GNG4: variants seen among roughly 807,000 people sequenced by gnomAD.
GNG4 encodes G protein subunit gamma 4.
GNG4 carries 4 observed loss-of-function variants against 5.8 expected under a neutral mutation model. The ratio of observed to expected loss-of-function variants is 0.69; its 90% confidence interval spans 0.34 to 1.57. The LOEUF is 1.57. GNG4 is among the 40% of genes most tolerant of loss of function. The probability of loss-of-function intolerance (pLI) is 0.06; values close to 1 mark genes in which losing one functional copy is unlikely to be tolerated. For missense variants in GNG4, 96 were observed against 95.1 expected (o/e 1.01, Z -0.04); for synonymous variants, 29 against 32.9 (o/e 0.88, Z 0.41).
chr1:235,580,725 T>C (rs1282473632), intron 3 of GNG4, among the ~76,000 whole-genome samples: 2 of 144,370 alleles, frequency 1.4e-5, no homozygotes, highest in African/African-American at 2.5e-5. Context: ...CACAGCAACA[T>C]GGCGGCCTAT....
At chr1:235,576,534 G>A (rs1274668994) in intron 3 of GNG4, among the ~76,000 whole-genome samples, 1 of 152,030 alleles carries the variant, frequency 6.6e-6, no homozygotes, top group African/African-American at 2.4e-5. Flanking sequence ...TCCAAGCTTT[G>A]TGCTTTTTGT....
chr1:235,550,510 T>C lies in GNG4; in HGVS notation c.*1599A>G, dbSNP rs1171717172. 9.7e-6 allele frequency: 1 copy of C among 102,648 alleles called. No homozygotes were observed. The highest frequency in any genetic ancestry group is 2.3e-5 in the Non-Finnish European group (1 of 42,764). 6.4% of individuals were successfully genotyped at this position (102,648 alleles called of 1,614,324 possible). The stretch of plus-strand genomic sequence containing the variant: ...TTTGTGCCTCAGTTTCCCCTCACTC[T>C]AAGACATACGGCCGGGTGCACTGGC... On this transcript the variant is annotated 3_prime_UTR_variant, in exon 4 of 4. Transcript: ENST00000391854.
Position 235,594,639 on chromosome 1 carries a change from C to G in GNG4, c.-11+761G>C, listed in dbSNP as rs6681546. On this transcript the variant is annotated intron_variant, in intron 2 of 3. Transcript: ENST00000391854. ...AGCAGCTGCTGGCCCAGGTGCTAAG[C>G]CCCTCACTGCCCGGGGCTTGCGGGC... is the stretch of plus-strand genomic sequence containing the variant. 4.2e-3 allele frequency among the ~76,000 whole-genome samples: 637 copies of G among 152,332 alleles called. 3 individuals are homozygous for G. Among genetic ancestry groups the G allele is most frequent in the African/African-American group, 0.014 (594 of 41,578 alleles).
rs10625498 is a variant in GNG4, at chr1:235,568,793, C to CT, written c.99+14946dup. On this transcript the variant is annotated intron_variant, in intron 3 of 3. Transcript: ENST00000391854. ...TCTGGACCTCTTTTCTTTTTCTTTC[C>CT]TTTTTTTTTTTCTTTTTTTCTTCTC... Among the ~76,000 whole-genome samples the CT allele has an allele frequency of 2.8e-3, 402 of 144,610 alleles. 7 individuals are homozygous for CT. The East Asian group carries it at 0.032, about 12-fold the overall frequency. The allele number at this position is 144,610 out of a possible 152,430, so 94.9% of individuals were successfully genotyped here.
intron 1 of GNG4, among the ~76,000 whole-genome samples, chr1:235,643,016 G>A (rs1174116677): frequency 6.6e-6 from 1 of 152,030 alleles, no homozygotes; most frequent in Non-Finnish European, 1.5e-5. Flanking sequence ...CAATCAGACG[G>A]CCACCCCGAC....
At chr1:235,614,259 T>C (rs1015107379) in intron 1 of GNG4, among the ~76,000 whole-genome samples, 3 of 152,224 alleles carry the variant, frequency 2.0e-5, no homozygotes, top group African/African-American at 7.2e-5. Context: ...TGTTCCGTCT[T>C]TCATTTCTGA....
At chr1:235,628,484 CA>C (rs1202369160) in intron 1 of GNG4, among the ~76,000 whole-genome samples, 8 of 151,928 alleles carry the variant, frequency 5.3e-5, no homozygotes, top group Non-Finnish European at 1.5e-5. Context: ...AGGTCATGGG[CA>C]GTCTTGTGGA....
At chr1:235,640,736 C>T (rs1657300804) in intron 1 of GNG4, among the ~76,000 whole-genome samples, 4 of 152,240 alleles carry the variant, frequency 2.6e-5, no homozygotes, top group Non-Finnish European at 5.9e-5. Context: ...CTGATCCAGC[C>T]TCTCGGGGCC....
At chr1:235,581,059 C>T (rs2102939211) in intron 3 of GNG4, among the ~76,000 whole-genome samples, 1 of 152,198 alleles carries the variant, frequency 6.6e-6, no homozygotes, top group African/African-American at 2.4e-5. Context: ...GCCTGCCTAT[C>T]CCTTTGATTG....
chr1:235,601,734 C>A (rs1220706284), intron 1 of GNG4, among the ~76,000 whole-genome samples: 3 of 152,218 alleles, frequency 2.0e-5, no homozygotes, highest in African/African-American at 7.2e-5. Flanking sequence ...AATGGAGATG[C>A]CGACGATGAA....
intron 1 of GNG4, among the ~76,000 whole-genome samples, chr1:235,636,699 C>A (rs1232074433): frequency 6.6e-6 from 1 of 152,158 alleles, no homozygotes; most frequent in African/African-American, 2.4e-5. Flanking sequence ...GATGAACCCC[C>A]AAAGCAGGGT....
intron 1 of GNG4, among the ~76,000 whole-genome samples, chr1:235,612,065 C>CAAA (rs68070269): frequency 2.1e-5 from 2 of 93,490 alleles, no homozygotes; most frequent in Non-Finnish European, 3.8e-5. Context: ...CTTTGTCTCA[C>CAAA]AAAAAAAAAA....
intron 3 of GNG4, among the ~76,000 whole-genome samples, chr1:235,577,686 G>A (rs549122245): frequency 1.3e-5 from 2 of 151,898 alleles, no homozygotes; most frequent in South Asian, 2.1e-4. Flanking sequence ...TGATCCACCC[G>A]CCCTGGCCTC....
chr1:235,618,802 T>C (rs187887166), intron 1 of GNG4, among the ~76,000 whole-genome samples: 75 of 151,708 alleles, frequency 4.9e-4, no homozygotes, highest in African/African-American at 1.7e-3. Flanking sequence ...ATTACAGGCA[T>C]GTGCCACCCC....
At chr1:235,573,226 G>C (rs1318036852) in intron 3 of GNG4, among the ~76,000 whole-genome samples, 1 of 149,914 alleles carries the variant, frequency 6.7e-6, no homozygotes, top group African/African-American at 2.5e-5. Flanking sequence ...CTATCGCAAG[G>C]ACAGAAAACC....
intron 2 of GNG4, among the ~76,000 whole-genome samples, chr1:235,593,737 C>T (rs1167197371): frequency 5.9e-5 from 9 of 152,066 alleles, no homozygotes; most frequent in South Asian, 2.1e-4. Context: ...TGTTACAGCT[C>T]TTAAGGCGGC....
At chr1:235,629,589 T>C (rs369608500) in intron 1 of GNG4, among the ~76,000 whole-genome samples, 3 of 142,372 alleles carry the variant, frequency 2.1e-5, no homozygotes, top group African/African-American at 6.1e-5. Context: ...TTCTTTCTTT[T>C]TTCTTTCTTT....
chr1:235,633,591 G>A (rs1688976039), intron 1 of GNG4, among the ~76,000 whole-genome samples: 1 of 152,192 alleles, frequency 6.6e-6, no homozygotes, highest in Admixed American at 6.5e-5. Context: ...GGGCTCAAGT[G>A]ATCCTCTTGC....
intron 1 of GNG4, among the ~76,000 whole-genome samples, chr1:235,645,001 C>T (rs1376070813): frequency 6.6e-6 from 1 of 152,154 alleles, no homozygotes; most frequent in Non-Finnish European, 1.5e-5. Flanking sequence ...CCAGGGCCCA[C>T]GTGGACGTGT....
Sources: gnomAD v4.1 joint callset for allele counts (sites outside exome capture counted in the v4.1 genomes callset) on GRCh38, gnomAD v4.1.1 for gene constraint, MANE v1.5 for transcripts, NCBI Gene and HGNC (gene_info 2026-07-23, HGNC 2026-07-21) for gene names.